The following NT5C2 variants were observed in gnomAD, a reference collection of about 807,000 sequenced individuals.
The protein encoded by NT5C2 is cytosolic purine 5'-nucleotidase.
Under a neutral mutation model 76.1 loss-of-function variants are expected in NT5C2, and 58 were observed. The observed-to-expected ratio is 0.76, with a 90% CI of 0.62 to 0.95. The LOEUF (loss-of-function observed/expected upper bound fraction) is 0.95. NT5C2 is among the 40% of genes least tolerant of loss of function. The pLI is 0.00. For missense variants in NT5C2, 478 were observed against 690.3 expected (o/e 0.69, Z 3.45); for synonymous variants, 229 against 237.4 (o/e 0.96, Z 0.32).
At chr10:103,183,240 A>G (rs2091398899) in intron 1 of NT5C2, among the ~76,000 whole-genome samples, 1 of 113,554 alleles carries the variant, frequency 8.8e-6, no homozygotes, top group Non-Finnish European at 1.8e-5. Flanking sequence ...ATGAAAGGAG[A>G]TATATATATA....
At chr10:103,151,477 A>AAAC (rs201775375) in intron 3 of NT5C2, among the ~76,000 whole-genome samples, 2,535 of 151,848 alleles carry the variant, frequency 0.017, 62 homozygotes, top group South Asian at 0.12. Flanking sequence ...AAAAAAAAAA[A>AAAC]AACACTAGCC....
intron 3 of NT5C2, among the ~76,000 whole-genome samples, chr10:103,171,908 T>C (rs182226323): frequency 6.6e-6 from 1 of 152,214 alleles, no homozygotes; most frequent in African/African-American, 2.4e-5. Flanking sequence ...AAATAAATTT[T>C]TTTTTAAAAT....
rs150621900 is a variant in NT5C2 at position 103,153,748 on chromosome 10, C to A, written c.102-14269G>T. On this transcript the variant is annotated intron_variant, in intron 3 of 18. Coordinates refer to ENST00000404739, the MANE Select transcript of NT5C2 (RefSeq NM_001351169.2). ...CGGTCAAAATCATTTTTAGTTTACT[C>A]TGGGAGCAAAAAACACAGGATAAAT... The A allele has an allele frequency of 1.6e-4, 160 of 984,586 alleles. 1 individual carries two copies. In the African/African-American group the frequency reaches 2.6e-3, roughly 16 times the overall value. The allele number at this position is 984,586 out of a possible 1,614,324, so 61.0% of individuals were successfully genotyped here. A position where few individuals can be genotyped will look rare whatever the true frequency, so the allele number is the denominator to read the frequency against.
intron 1 of NT5C2, among the ~76,000 whole-genome samples, chr10:103,183,243 T>G (rs2091401878): frequency 7.8e-6 from 1 of 127,692 alleles, no homozygotes; most frequent in African/African-American, 2.9e-5. Flanking sequence ...AAAGGAGATA[T>G]ATATATATGT....
chr10:103,095,459 C>T (rs1475147633), intron 12 of NT5C2, among the ~76,000 whole-genome samples: 1 of 152,158 alleles, frequency 6.6e-6, no homozygotes, highest in Non-Finnish European at 1.5e-5. Context: ...TAAGTGCAGC[C>T]GTACTGCAGA....
intron 1 of NT5C2, among the ~76,000 whole-genome samples, chr10:103,190,057 G>A (rs921601514): frequency 7.7e-5 from 11 of 143,396 alleles, no homozygotes; most frequent in Non-Finnish European, 1.6e-4. Flanking sequence ...GCTGGAGTGC[G>A]TGGCGCAATC....
At chr10:103,115,637 A>C (rs1455375464) in intron 4 of NT5C2, among the ~76,000 whole-genome samples, 1 of 152,220 alleles carries the variant, frequency 6.6e-6, no homozygotes, top group African/African-American at 2.4e-5. Context: ...GCAATCTTTT[A>C]AATTTCCTAA....
rs778990322 is a variant in NT5C2, at chr10:103,095,921, T to C, written c.813+18A>G. 2.2e-5 allele frequency: 35 copies of C among 1,602,592 alleles called. No homozygotes were observed. Among genetic ancestry groups the C allele is most frequent in the Admixed American group, 3.3e-5 (2 of 59,892 alleles). ...TCATTGTTATTAAAGCAGTGGTCTA[T>C]TGAGTCACATACGGTACCTTGGGGC... On this transcript the variant is annotated intron_variant, in intron 12 of 18. Transcript: ENST00000404739.
chr10:103,160,261 G>C (rs1001136342), intron 3 of NT5C2, among the ~76,000 whole-genome samples: 1 of 152,058 alleles, frequency 6.6e-6, no homozygotes, highest in Non-Finnish European at 1.5e-5. Context: ...GATCAAAAAC[G>C]TAAATGTAAG....
chr10:103,139,925 GT>G, intron 3 of NT5C2, among the ~76,000 whole-genome samples: 1 of 151,946 alleles, frequency 6.6e-6, no homozygotes, highest in Non-Finnish European at 1.5e-5. Flanking sequence ...ACACTGTTTT[GT>G]TTTTGTTTTT....
At chr10:103,136,281 A>G (rs1591332793) in intron 4 of NT5C2, among the ~76,000 whole-genome samples, 2 of 152,352 alleles carry the variant, frequency 1.3e-5, no homozygotes. Context: ...TGGTTCAGGT[A>G]TATCATAACT....
chr10:103,121,033 C>T (rs2075551628), intron 4 of NT5C2, among the ~76,000 whole-genome samples: 2 of 152,068 alleles, frequency 1.3e-5, no homozygotes, highest in Admixed American at 6.6e-5. Context: ...AGACACAAAA[C>T]AAGTATTGTA....
rs961575883 is a variant in NT5C2 at position 103,098,828 on chromosome 10, A to G, written c.687+103T>C. On this transcript the variant is annotated intron_variant, in intron 10 of 18. Coordinates refer to ENST00000404739, the MANE Select transcript of NT5C2 (RefSeq NM_001351169.2). ...ACCCGACACATACTATGCCAAGACA[A>G]ATCTCTTCTTTTGTCCATTTCATTA... The G allele has an allele frequency of 4.8e-6, 4 of 833,812 alleles. No homozygotes were observed. In the African/African-American group the frequency reaches 6.9e-5, roughly 14 times the overall value. 51.7% of individuals were successfully genotyped at this position (833,812 alleles called of 1,614,324 possible).
chr10:103,139,380 T>C lies in NT5C2; in HGVS notation c.175+26A>G, dbSNP rs187941798. ...TGTGTTATACCCAAAGCAGCAGTTC[T>C]TAAGCAATCAGAAATTGCTACTCAC... On this transcript the variant is annotated intron_variant, in intron 4 of 18. Coordinates refer to ENST00000404739, the MANE Select transcript of NT5C2 (RefSeq NM_001351169.2). The C allele has an allele frequency of 3.2e-4, 481 of 1,509,350 alleles. 1 individual carries two copies. The highest frequency in any genetic ancestry group is 3.1e-4 in the Non-Finnish European group (342 of 1,105,740). The allele number at this position is 1,509,350 out of a possible 1,614,324, so 93.5% of individuals were successfully genotyped here.
intron 4 of NT5C2, among the ~76,000 whole-genome samples, chr10:103,131,894 C>T (rs1009031883): frequency 2.0e-5 from 3 of 152,044 alleles, no homozygotes; most frequent in Admixed American, 2.0e-4. Context: ...TGCACTCCAG[C>T]CTGGGCAACA....
intron 3 of NT5C2, among the ~76,000 whole-genome samples, chr10:103,145,471 G>C (rs1263611540): frequency 6.6e-6 from 1 of 152,114 alleles, no homozygotes; most frequent in Non-Finnish European, 1.5e-5. Flanking sequence ...ATTTCTATTG[G>C]TCTCCGGACC....
chr10:103,190,785 C>G (rs1440616605), intron 1 of NT5C2, among the ~76,000 whole-genome samples: 1 of 152,114 alleles, frequency 6.6e-6, no homozygotes, highest in Admixed American at 6.6e-5. Flanking sequence ...TGTCTAAAAA[C>G]CTCAAAACAT....
At chr10:103,187,998 A>C (rs904001588) in intron 1 of NT5C2, among the ~76,000 whole-genome samples, 1 of 152,260 alleles carries the variant, frequency 6.6e-6, no homozygotes, top group African/African-American at 2.4e-5. Flanking sequence ...TTTATAGAGC[A>C]TAATTTTATG....
At chr10:103,163,697 A>G (rs746124574) in intron 3 of NT5C2, among the ~76,000 whole-genome samples, 3 of 144,934 alleles carry the variant, frequency 2.1e-5, no homozygotes, top group Non-Finnish European at 4.6e-5. Flanking sequence ...TTTATATGCA[A>G]TAACTAAAAA....
Sources: allele counts gnomAD v4.1 joint callset (sites outside exome capture counted in the v4.1 genomes callset), GRCh38; gene constraint gnomAD v4.1.1; transcripts MANE v1.5; gene names NCBI Gene and HGNC (gene_info 2026-07-23, HGNC 2026-07-21).